ADGRL3: variants seen among roughly 807,000 people sequenced by gnomAD.
The protein encoded by ADGRL3 is adhesion G protein-coupled receptor L3.
A neutral mutation model predicts 153.5 loss-of-function variants in ADGRL3; 62 were observed. The ratio of observed to expected loss-of-function variants is 0.40; its 90% CI spans 0.33 to 0.50. The LOEUF is 0.50. Ranked by LOEUF, ADGRL3 falls within the 20% of genes least tolerant of loss-of-function variation. The pLI is 0.47. For missense variants in ADGRL3, 1,641 were observed against 1,859.4 expected (o/e 0.88, Z 2.16); for synonymous variants, 710 against 672.5 (o/e 1.06, Z -0.86).
intron 2 of ADGRL3, among the ~76,000 whole-genome samples, chr4:61,432,589 T>TTC (rs1491086578): frequency 1.7e-3 from 11 of 6,418 alleles, no homozygotes; most frequent in Non-Finnish European, 2.6e-3. Context: ...TTTCTTTCTT[T>TTC]CTTTCTTTCT....
rs184372050 is a variant in ADGRL3, at chr4:61,524,528, T to C, written c.259+7010T>C. Among the ~76,000 whole-genome samples, 349 of 152,232 alleles carry C rather than the reference T, an allele frequency of 2.3e-3. 1 individual carries two copies. The highest frequency in any genetic ancestry group is 8.0e-3 in the African/African-American group (333 of 41,544). ...TTTATTTTTACTGCTGCAAAGATGC[T>C]ACTAGTATGGAATTGCAGTAAATGG... On this transcript the variant is annotated intron_variant, in intron 4 of 26. Coordinates refer to ENST00000683033, the MANE Select transcript of ADGRL3 (RefSeq NM_001387552.1).
intron 9 of ADGRL3, among the ~76,000 whole-genome samples, chr4:61,823,081 T>C (rs752945907): frequency 3.9e-5 from 6 of 152,126 alleles, no homozygotes; most frequent in Non-Finnish European, 7.4e-5. Flanking sequence ...CAGGCTCAGT[T>C]CTCTCAACTT....
chr4:62,030,187 C>G (rs1284308278), intron 22 of ADGRL3, among the ~76,000 whole-genome samples: 1 of 151,562 alleles, frequency 6.6e-6, no homozygotes, highest in Non-Finnish European at 1.5e-5. Context: ...GGGACCATAT[C>G]TTTCTTAAGA....
intron 9 of ADGRL3, among the ~76,000 whole-genome samples, chr4:61,830,874 T>G (rs1369729137): frequency 3.3e-5 from 5 of 152,226 alleles, no homozygotes; most frequent in Non-Finnish European, 7.4e-5. Flanking sequence ...TAGTTCTAGC[T>G]TTATTATTTT....
At chr4:61,322,828 C>G (rs1419951455) in intron 1 of ADGRL3, among the ~76,000 whole-genome samples, 1 of 152,206 alleles carries the variant, frequency 6.6e-6, no homozygotes, top group Non-Finnish European at 1.5e-5. Context: ...GTCAGTGTAT[C>G]TACCATTCTG....
chr4:61,285,191 T>C (rs1302614429), intron 1 of ADGRL3, among the ~76,000 whole-genome samples: 1 of 151,880 alleles, frequency 6.6e-6, no homozygotes, highest in East Asian at 1.9e-4. Flanking sequence ...TGGGTGCTAA[T>C]TACAGTAAAA....
At chr4:61,635,823 C>T (rs1241965834) in intron 5 of ADGRL3, among the ~76,000 whole-genome samples, 1 of 151,996 alleles carries the variant, frequency 6.6e-6, no homozygotes, top group East Asian at 1.9e-4. Context: ...CCATCTCCTC[C>T]TTGTGTCTTC....
At chr4:61,656,668 G>T (rs1480448911) in intron 5 of ADGRL3, among the ~76,000 whole-genome samples, 1 of 152,156 alleles carries the variant, frequency 6.6e-6, no homozygotes, top group Admixed American at 6.5e-5. Flanking sequence ...TTGAGATGTA[G>T]CTGTTGTATG....
intron 8 of ADGRL3, among the ~76,000 whole-genome samples, chr4:61,770,786 C>T (rs763976386): frequency 1.3e-5 from 2 of 152,138 alleles, no homozygotes; most frequent in African/African-American, 2.4e-5. Context: ...TACTTCATAT[C>T]GGAGAACATA....
intron 4 of ADGRL3, among the ~76,000 whole-genome samples, chr4:61,534,398 T>C (rs1165420945): frequency 2.0e-5 from 3 of 152,198 alleles, no homozygotes; most frequent in Admixed American, 6.5e-5. Context: ...CTCTTGTTGT[T>C]TGGAATGCGT....
rs189254620 is a variant in ADGRL3, at chr4:61,223,057, C to T, written c.-240+21292C>T. On this transcript the variant is annotated intron_variant, in intron 1 of 26. Transcript: ENST00000683033. Reference sequence around the variant, plus strand: ...AAATTTAGAAGATGAAGATTGAAGGCATAACTTTATTTGCACCTCTAAGAA... The same window carrying T: ...AAATTTAGAAGATGAAGATTGAAGGTATAACTTTATTTGCACCTCTAAGAA... Among the ~76,000 whole-genome samples, 210 of 152,216 alleles carry T rather than the reference C, an allele frequency of 1.4e-3. 1 individual carries two copies. The highest frequency in any genetic ancestry group is 4.9e-3 in the African/African-American group (202 of 41,566).
chr4:62,039,328 G>A (rs1036244632), intron 24 of ADGRL3, among the ~76,000 whole-genome samples: 2 of 152,106 alleles, frequency 1.3e-5, no homozygotes, highest in African/African-American at 4.8e-5. Flanking sequence ...ATTAATGGAT[G>A]ACCAGTGTTT....
rs1561350688 is a variant in ADGRL3, at chr4:61,847,652, ATATATTATATATATAATATAAAATATAT to A, written c.1480+33769_1480+33796del. ...AAATATATTATATATATAATATAAA[ATATATTATATATATAATATAAAATATAT>A]TATATATATAATATAAAATATATTA... On this transcript the variant is annotated intron_variant, in intron 9 of 26. Coordinates refer to ENST00000683033, the MANE Select transcript of ADGRL3 (RefSeq NM_001387552.1). 2.2e-3 allele frequency among the ~76,000 whole-genome samples: 131 copies of A among 59,512 alleles called. 15 individuals carry two copies. The highest frequency in any genetic ancestry group is 6.3e-3 in the African/African-American group (80 of 12,714). The allele number at this position is 59,512 out of a possible 152,430, so 39.0% of individuals were successfully genotyped here. A position where few individuals can be genotyped will look rare whatever the true frequency, so the allele number is the denominator to read the frequency against.
intron 5 of ADGRL3, among the ~76,000 whole-genome samples, chr4:61,632,861 G>A (rs2093247669): frequency 6.6e-6 from 1 of 152,100 alleles, no homozygotes; most frequent in Non-Finnish European, 1.5e-5. Flanking sequence ...TTATATACAA[G>A]TCTGAGATAT....
In ADGRL3 at chr4:61,729,138, C is replaced by G. The variant is rs115540794; in HGVS notation, c.584-1484C>G. Among the ~76,000 whole-genome samples the G allele has an allele frequency of 5.8e-3, 880 of 152,034 alleles. 7 individuals carry two copies. Among genetic ancestry groups the G allele is most frequent in the African/African-American group, 0.02 (844 of 41,522 alleles). ...CCTGGGTGATGGGATCAGTCATACTCCAAACCTCAGTATCACATTATATAT... is the reference window on the plus strand; with the variant it reads ...CCTGGGTGATGGGATCAGTCATACTGCAAACCTCAGTATCACATTATATAT... On this transcript the variant is annotated intron_variant, in intron 6 of 26. Transcript: ENST00000683033.
intron 1 of ADGRL3, among the ~76,000 whole-genome samples, chr4:61,283,083 T>TTA (rs2093790184): frequency 6.6e-6 from 1 of 152,052 alleles, no homozygotes; most frequent in Admixed American, 6.6e-5. Flanking sequence ...TAATACATTC[T>TTA]TATGGCAAAC....
intron 5 of ADGRL3, among the ~76,000 whole-genome samples, chr4:61,649,179 G>A (rs146750962): frequency 0.011 from 1,620 of 151,938 alleles, 32 homozygotes; most frequent in African/African-American, 0.036. Flanking sequence ...TTACTAGCAC[G>A]CCATTCCTCT....
chr4:61,498,028 T>TA (rs928830489), intron 3 of ADGRL3, among the ~76,000 whole-genome samples: 6 of 152,110 alleles, frequency 3.9e-5, no homozygotes, highest in Non-Finnish European at 7.4e-5. Flanking sequence ...GTTTCATACT[T>TA]AAAAAAACAT....
At chr4:61,426,595 C>T (rs1241694278) in intron 2 of ADGRL3, 1 of 152,204 alleles carries the variant, frequency 6.6e-6, no homozygotes, top group South Asian at 2.1e-4. Context: ...CCAGCATTTA[C>T]CAATGCCAAC....
Sources: allele counts gnomAD v4.1 joint callset (sites outside exome capture counted in the v4.1 genomes callset), GRCh38; gene constraint gnomAD v4.1.1; transcripts MANE v1.5; gene names NCBI Gene and HGNC (gene_info 2026-07-23, HGNC 2026-07-21).